The following DMD variants were observed in gnomAD, a reference collection of about 807,000 sequenced individuals.
DMD encodes mutant dystrophin.
Under a neutral mutation model 330.1 loss-of-function variants are expected in DMD, and 63 were observed. The observed-to-expected ratio is 0.19, with a 90% CI of 0.16 to 0.24. The LOEUF is 0.24. Among genes scored for constraint, DMD ranks in the 10% least tolerant of loss-of-function variants. The probability of loss-of-function intolerance (pLI) is 1.00; values close to 1 mark genes in which losing one functional copy is unlikely to be tolerated. For missense variants in DMD, 3,344 were observed against 2,684.1 expected (o/e 1.25, Z -5.43); for synonymous variants, 1,223 against 959.8 (o/e 1.27, Z -5.07).
rs189555778 is a variant in DMD, at chrX:33,220,972, G to A, written c.7+118287C>T. Among the ~76,000 whole-genome samples the A allele has an allele frequency of 3.9e-3, 439 of 111,899 alleles. 2 individuals carry two copies. Among genetic ancestry groups the A allele is most frequent in the Non-Finnish European group, 6.5e-3 (343 of 53,121 alleles). On this transcript the variant is annotated intron_variant, in intron 1 of 17. Transcript: ENST00000288447. ...GTTGGAAAAAAGGAAACAGGCAAGA[G>A]AGGGAAATAAAGAAATTTATGATCC...
chrX:32,823,241 T>G (rs1347490160), intron 5 of DMD, 54 bp downstream of exon 5: 1 of 1,036,951 alleles, frequency 9.6e-7, no homozygotes, highest in African/African-American at 1.9e-5. Context: ...AGGGTAAAAA[T>G]TAAAAAACAA....
intron 42 of DMD, among the ~76,000 whole-genome samples, chrX:32,305,096 T>G (rs1322386788): frequency 8.9e-6 from 1 of 111,782 alleles, no homozygotes; most frequent in Non-Finnish European, 1.9e-5. Context: ...ACAATCGTTC[T>G]TTTATTTTCC....
rs745825995 is a variant in DMD at position 32,880,047 on chromosome X, G to GT, written c.94-30228dup. On this transcript the variant is annotated intron_variant, in intron 2 of 78. Coordinates refer to ENST00000357033, the MANE Select transcript of DMD (RefSeq NM_004006.3). Reference sequence around the variant, plus strand: ...GCAAAACATAAAAAAAAACTTCCTGGTTTTTTTGAACACATTCATCTCAAT... The same window carrying GT: ...GCAAAACATAAAAAAAAACTTCCTGGTTTTTTTTGAACACATTCATCTCAAT... Among the ~76,000 whole-genome samples, 6 of 111,019 alleles carry GT rather than the reference G, an allele frequency of 5.4e-5. No individual in the cohort carries two copies. In the South Asian group the frequency reaches 1.9e-3, roughly 35 times the overall value.
rs1053454897 is a variant in DMD, at chrX:31,503,608, A to C, written c.8390+3673T>G. On this transcript the variant is annotated intron_variant, in intron 56 of 78. Transcript: ENST00000357033. ...CATGTTATCAAGTGTAAATTAGAAT[A>C]GTATTGGGAAGACCTAGTGAGGAAA... 3.6e-5 allele frequency among the ~76,000 whole-genome samples: 4 copies of C among 111,855 alleles called. No homozygotes were observed. In the Admixed American group the frequency reaches 3.8e-4, roughly 11 times the overall value.
At chrX:31,694,617 C>CATATATATATATATATATAT (rs34933227) in intron 52 of DMD, among the ~76,000 whole-genome samples, 4 of 58,168 alleles carry the variant, frequency 6.9e-5, no homozygotes, top group East Asian at 5.6e-4. Flanking sequence ...TGACAAACAG[C>CATATATATATATATATATAT]ATATATATAT....
At chrX:31,204,629 T>C (rs2043877452) in intron 66 of DMD, among the ~76,000 whole-genome samples, 1 of 111,710 alleles carries the variant, frequency 9.0e-6, no homozygotes, top group Non-Finnish European at 1.9e-5. Context: ...GTTGTTGTTG[T>C]TGTTGTTTTT....
chrX:32,790,939 C>A (rs2075772277), intron 7 of DMD, among the ~76,000 whole-genome samples: 1 of 111,225 alleles, frequency 9.0e-6, no homozygotes, highest in African/African-American at 3.3e-5. Context: ...GTTGCATGCA[C>A]CACCAGGAGT....
At chrX:31,514,377 T>C (rs1219036877) in intron 55 of DMD, among the ~76,000 whole-genome samples, 1 of 111,579 alleles carries the variant, frequency 9.0e-6, no homozygotes, top group Non-Finnish European at 1.9e-5. Flanking sequence ...GGGGAGATCC[T>C]GTTTTCTGAA....
chrX:32,488,298 T>C (rs772943806), intron 20 of DMD, among the ~76,000 whole-genome samples: 2 of 111,717 alleles, frequency 1.8e-5, no homozygotes, highest in African/African-American at 3.2e-5. Flanking sequence ...TTTAAAATTA[T>C]ATGCTTATCT....
chrX:33,013,450 C>A (rs1461514225), intron 2 of DMD, among the ~76,000 whole-genome samples: 1 of 111,328 alleles, frequency 9.0e-6, no homozygotes, highest in Non-Finnish European at 1.9e-5. Flanking sequence ...GCAGGCTGCT[C>A]ATCAGCATCC....
intron 2 of DMD, among the ~76,000 whole-genome samples, chrX:32,971,376 T>G (rs1334609989): frequency 8.9e-6 from 1 of 111,845 alleles, no homozygotes. Flanking sequence ...GGAGAATAAT[T>G]TTTTTAACTA....
At chrX:32,684,917 T>G (rs746710785) in intron 9 of DMD, among the ~76,000 whole-genome samples, 1 of 111,642 alleles carries the variant, frequency 9.0e-6, no homozygotes, top group South Asian at 3.7e-4. Context: ...GACTTCTAAC[T>G]TTCCTTAGAG....
chrX:31,863,211 C>T (rs1022863488), intron 48 of DMD, among the ~76,000 whole-genome samples: 4 of 112,146 alleles, frequency 3.6e-5, no homozygotes, highest in African/African-American at 1.3e-4. Flanking sequence ...GGCGTGGTGG[C>T]GGGCGCCTGT....
intron 61 of DMD, among the ~76,000 whole-genome samples, chrX:31,342,044 G>A (rs1293934485): frequency 9.0e-6 from 1 of 110,526 alleles, no homozygotes; most frequent in Non-Finnish European, 1.9e-5. Flanking sequence ...GTCAAAAATT[G>A]TTGGTTGTAA....
intron 55 of DMD, among the ~76,000 whole-genome samples, chrX:31,510,930 G>T (rs191705907): frequency 1.8e-5 from 2 of 111,749 alleles, no homozygotes; most frequent in African/African-American, 6.5e-5. Flanking sequence ...CAGAAATTCT[G>T]CCATCAGTAA....
intron 47 of DMD, among the ~76,000 whole-genome samples, chrX:31,928,823 A>C (rs2094816299): frequency 8.9e-6 from 1 of 111,923 alleles, no homozygotes; most frequent in South Asian, 3.7e-4. Context: ...TGTTTTAAAA[A>C]AAAGATTGTA....
At chrX:31,939,921 T>A (rs748615485) in intron 45 of DMD, among the ~76,000 whole-genome samples, 19 of 111,561 alleles carry the variant, frequency 1.7e-4, no homozygotes, top group Non-Finnish European at 3.2e-4. Flanking sequence ...TTAATGTCAA[T>A]CTATGAGTAA....
intron 41 of DMD, among the ~76,000 whole-genome samples, chrX:32,335,337 A>G (rs898835697): frequency 2.8e-5 from 3 of 107,326 alleles, no homozygotes; most frequent in African/African-American, 1.0e-4. Context: ...AGAAGCTTGG[A>G]TTACAAGCAA....
In DMD at chrX:32,481,127, A is replaced by T. The variant is rs1160377651; in HGVS notation, c.2803+3792T>A. ...AACCATAGAGCTTGAAATTGTGGCC[A>T]TGGAGAGCATCCTTGCTGGCTACCC... On this transcript the variant is annotated intron_variant, in intron 21 of 78. Transcript: ENST00000357033. Among the ~76,000 whole-genome samples, 5 of 110,704 alleles carry T rather than the reference A, an allele frequency of 4.5e-5. No individual in the cohort carries two copies. The Admixed American group carries it at 4.8e-4, about 11-fold the overall frequency.
Sources: gnomAD v4.1 joint callset for allele counts (sites outside exome capture counted in the v4.1 genomes callset) on GRCh38, gnomAD v4.1.1 for gene constraint, MANE v1.5 for transcripts, NCBI Gene and HGNC (gene_info 2026-07-23, HGNC 2026-07-21) for gene names.